The following BBS9 variants were observed in gnomAD, a reference collection of about 807,000 sequenced individuals.
BBS9 encodes the protein Bardet-Biedl syndrome 9.
Under a neutral mutation model 117.7 loss-of-function variants are expected in BBS9, and 89 were observed. That is an observed-to-expected ratio of 0.76 (90% CI 0.64 to 0.90). BBS9 has a LOEUF of 0.90. Among genes scored for constraint, BBS9 ranks in the 40% least tolerant of loss-of-function variants. The pLI is 0.00. For synonymous variants in BBS9, 379 were observed against 370.9 expected, an observed-to-expected ratio of 1.02 and a Z score of -0.25; for missense variants, 982 against 1,042.2, an observed-to-expected ratio of 0.94 and a Z score of 0.80.
At chr7:33,230,623 C>G (rs1792177205) in intron 5 of BBS9, among the ~76,000 whole-genome samples, 1 of 152,078 alleles carries the variant, frequency 6.6e-6, no homozygotes, top group Admixed American at 6.6e-5. Context: ...ACTCTGTACA[C>G]CTTTGTGTTC....
rs1044033927 is a variant in BBS9 at position 33,344,628 on chromosome 7, G to A, written c.1323G>A (p.Thr441=). Residue 441 remains threonine (T), a synonymous_variant, in exon 12 of 23, where the codon ACG becomes ACA. Coordinates refer to ENST00000242067, the MANE Select transcript of BBS9 (RefSeq NM_198428.3). ...EVGTDLVPSV[T]VKVTLQNRVI... is the part of the protein sequence containing the mutation. ...GAACTGACCTTGTCCCTTCTGTCAC[G>A]GTGAAGGTATTGTACCAGATTTTAG... 23 of 1,613,702 alleles carry A rather than the reference G, an allele frequency of 1.4e-5. No homozygotes were observed. The highest frequency in any genetic ancestry group is 1.9e-5 in the Non-Finnish European group (22 of 1,179,808).
chr7:33,268,790 G>A (rs751201708), intron 7 of BBS9, among the ~76,000 whole-genome samples: 36 of 152,234 alleles, frequency 2.4e-4, no homozygotes, highest in Admixed American at 1.1e-3. Flanking sequence ...TCAGACTGTG[G>A]CCTCAGAAAC....
intron 21 of BBS9, among the ~76,000 whole-genome samples, chr7:33,553,893 A>G (rs554811382): frequency 7.2e-5 from 11 of 152,280 alleles, no homozygotes; most frequent in Admixed American, 2.0e-4. Context: ...ATAAACAGCT[A>G]TACAACTAAA....
At position 33,597,073 on chromosome 7, in the gene BBS9, A is replaced by T. The variant is rs971653984; in HGVS notation, c.2522-7792A>T. Among the ~76,000 whole-genome samples, 755 of 79,868 alleles carry T rather than the reference A, an allele frequency of 9.5e-3. 12 individuals are homozygous for T. In the East Asian group the frequency reaches 0.15, roughly 16 times the overall value. 52.4% of individuals were successfully genotyped at this position (79,868 alleles called of 152,430 possible). A position where few individuals can be genotyped will look rare whatever the true frequency, so the allele number is the denominator to read the frequency against. Reference sequence around the variant, plus strand: ...ATCTCTCTCTCTCTCTCTCTGTCACACACACACACACACACACACACACAC... The same window carrying T: ...ATCTCTCTCTCTCTCTCTCTGTCACTCACACACACACACACACACACACAC... On this transcript the variant is annotated intron_variant, in intron 21 of 22. Coordinates refer to ENST00000242067, the MANE Select transcript of BBS9 (RefSeq NM_198428.3).
chr7:33,163,636 C>A (rs1584240763), intron 4 of BBS9, among the ~76,000 whole-genome samples: 1 of 152,094 alleles, frequency 6.6e-6, no homozygotes, highest in East Asian at 1.9e-4. Flanking sequence ...TTATAGTATT[C>A]TCTGATGGTA....
chr7:33,265,750 G>A (rs1798702186), intron 7 of BBS9, among the ~76,000 whole-genome samples: 1 of 152,132 alleles, frequency 6.6e-6, no homozygotes, highest in Non-Finnish European at 1.5e-5. Flanking sequence ...GGCTGAGGCA[G>A]GAGAATCGCT....
chr7:33,436,037 G>C (rs544447094), intron 19 of BBS9, among the ~76,000 whole-genome samples: 1 of 152,208 alleles, frequency 6.6e-6, no homozygotes, highest in South Asian at 2.1e-4. Context: ...GAGAATTAAC[G>C]TATTTGTAGT....
chr7:33,169,806 T>C (rs1796261265), intron 4 of BBS9, among the ~76,000 whole-genome samples: 1 of 151,330 alleles, frequency 6.6e-6, no homozygotes, highest in African/African-American at 2.4e-5. Context: ...GCAGAAGCTC[T>C]TTAGTTTAAT....
chr7:33,581,076 TTG>T (rs746057448), intron 21 of BBS9, among the ~76,000 whole-genome samples: 23 of 145,146 alleles, frequency 1.6e-4, no homozygotes, highest in Middle Eastern at 3.5e-3. Flanking sequence ...GTGTGTATTT[TTG>T]TGTGTGTGTG....
intron 9 of BBS9, among the ~76,000 whole-genome samples, chr7:33,279,899 A>T (rs906928502): frequency 1.3e-5 from 2 of 152,220 alleles, no homozygotes; most frequent in African/African-American, 4.8e-5. Context: ...CAGTAATGTT[A>T]CTTTCTCTGG....
At chr7:33,467,314 C>G (rs924582121) in intron 19 of BBS9, among the ~76,000 whole-genome samples, 2 of 151,278 alleles carry the variant, frequency 1.3e-5, no homozygotes, top group Non-Finnish European at 2.9e-5. Context: ...CATGCTATAT[C>G]CTTGTTTGTT....
At chr7:33,427,914 G>A (rs1833877490) in intron 19 of BBS9, among the ~76,000 whole-genome samples, 1 of 152,044 alleles carries the variant, frequency 6.6e-6, no homozygotes, top group East Asian at 1.9e-4. Context: ...TATGCATGAG[G>A]AAACTGATAA....
chr7:33,411,778 A>G (rs568288259), intron 19 of BBS9, among the ~76,000 whole-genome samples: 1 of 152,256 alleles, frequency 6.6e-6, no homozygotes, highest in East Asian at 1.9e-4. Flanking sequence ...AAGAGATTCA[A>G]TTTAAAGGAT....
intron 21 of BBS9, among the ~76,000 whole-genome samples, chr7:33,588,001 A>G (rs982507966): frequency 1.1e-4 from 17 of 152,102 alleles, no homozygotes; most frequent in Admixed American, 7.2e-4. Context: ...GAAATTTCCC[A>G]AGCAGACAGA....
chr7:33,628,049 A>T (rs574268357), intron 21 of BBS9, among the ~76,000 whole-genome samples: 8 of 152,272 alleles, frequency 5.3e-5, no homozygotes, highest in African/African-American at 1.7e-4. Flanking sequence ...TAATTTAAAA[A>T]CGTCTCAGAT....
chr7:33,543,465 G>C (rs1852745729), intron 21 of BBS9, among the ~76,000 whole-genome samples: 1 of 152,092 alleles, frequency 6.6e-6, no homozygotes, highest in Non-Finnish European at 1.5e-5. Context: ...AGTTTAATTA[G>C]ATCCCAGCTA....
downstream of BBS9, among the ~76,000 whole-genome samples, chr7:33,606,802 A>G (rs1467072530): frequency 6.6e-6 from 1 of 152,164 alleles, no homozygotes; most frequent in Non-Finnish European, 1.5e-5. Context: ...TGGACAAGGC[A>G]TCATGGACTG....
intron 5 of BBS9, among the ~76,000 whole-genome samples, chr7:33,236,568 T>C (rs1329852791): frequency 6.6e-6 from 1 of 151,936 alleles, no homozygotes; most frequent in Admixed American, 6.6e-5. Context: ...TACCTCATCA[T>C]TTAAAAAATA....
intron 10 of BBS9, among the ~76,000 whole-genome samples, chr7:33,339,655 C>T (rs1324795301): frequency 6.6e-6 from 1 of 152,090 alleles, no homozygotes; most frequent in Non-Finnish European, 1.5e-5. Flanking sequence ...GATATGATTT[C>T]CAGGGAAGAA....
Sources: gnomAD v4.1 joint callset for allele counts (sites outside exome capture counted in the v4.1 genomes callset) on GRCh38, gnomAD v4.1.1 for gene constraint, MANE v1.5 for transcripts, NCBI Gene and HGNC (gene_info 2026-07-23, HGNC 2026-07-21) for gene names.